MNT: variants seen among roughly 807,000 people sequenced by gnomAD.
MNT encodes MAX network transcriptional repressor, also known as max-binding protein MNT.
A neutral mutation model predicts 40.7 loss-of-function variants in MNT; 13 were observed. That is an observed-to-expected ratio of 0.32 (90% CI 0.21 to 0.51). MNT has a LOEUF of 0.51. Among genes scored for constraint, MNT ranks in the 20% least tolerant of loss-of-function variants. MNT has a pLI of 0.98. For synonymous variants in MNT, 426 were observed against 354.8 expected, an observed-to-expected ratio of 1.20 and a Z score of -2.26; for missense variants, 757 against 792.0, an observed-to-expected ratio of 0.96 and a Z score of 0.53.
In MNT at chr17:2,387,210, T is replaced by C. The variant is rs199768323; in HGVS notation, c.1440A>G (p.Gln480=). Residue 480 remains glutamine (Q), a synonymous_variant, in exon 6 of 6, where the codon CAA becomes CAG. Transcript: ENST00000174618. ...IAPSAPSPAV[Q]LAPATPPIGH... ...CAATGGGGGGTGTGGCAGGCGCCAG[T>C]TGCACCGCAGGGCTGGGGGCCGAGG... is the stretch of plus-strand genomic sequence containing the variant. The C allele has an allele frequency of 3.7e-5, 59 of 1,608,938 alleles. No individual in the cohort carries two copies. The highest frequency in any genetic ancestry group is 2.0e-4 in the African/African-American group (15 of 74,816).
At position 2,384,173 on chromosome 17, in the gene MNT, A is replaced by G. The variant is rs902851246; in HGVS notation, c.*2728T>C. ...GTCTCGGTAACTAAAGTCTTGGAGC[A>G]TGAACAGCCACTAGAATACAGTTCA... On this transcript the variant is annotated 3_prime_UTR_variant, in exon 6 of 6. Coordinates refer to ENST00000174618, the MANE Select transcript of MNT (RefSeq NM_020310.3). 2 of 152,534 alleles carry G rather than the reference A, an allele frequency of 1.3e-5. No individual in the cohort carries two copies. Among genetic ancestry groups the G allele is most frequent in the African/African-American group, 4.8e-5 (2 of 41,398 alleles). 9.4% of individuals were successfully genotyped at this position (152,534 alleles called of 1,614,324 possible).
chr17:2,401,023 G>C lies in MNT; in HGVS notation c.-311C>G, dbSNP rs1250936332. The C allele has an allele frequency of 3.8e-6, 1 of 262,118 alleles. No homozygotes were observed. The highest frequency in any genetic ancestry group is 7.2e-6 in the Non-Finnish European group (1 of 138,342). The allele number at this position is 262,118 out of a possible 1,614,324, so 16.2% of individuals were successfully genotyped here. A position where few individuals can be genotyped will look rare whatever the true frequency, so the allele number is the denominator to read the frequency against. ...CGATGCCTCCCGCCCCGCGGCCCCC[G>C]GGAGTCCCGCCGACAAGAAAGGGCT... is the stretch of plus-strand genomic sequence containing the variant. On this transcript the variant is annotated 5_prime_UTR_variant, in exon 1 of 6. Coordinates refer to ENST00000174618, the MANE Select transcript of MNT (RefSeq NM_020310.3).
chr17:2,387,308 G>A lies in MNT; in HGVS notation c.1342C>T (p.His448Tyr). 1 of 1,613,434 alleles carries A rather than the reference G, an allele frequency of 6.2e-7. No individual in the cohort carries two copies. The highest frequency in any genetic ancestry group is 8.5e-7 in the Non-Finnish European group (1 of 1,179,836). ...STVIAHTATT[H>Y]ASVIQTVNHV... ...TTCACAGTCTGGATGACTGAAGCGT[G>A]AGTGGTGGCTGTGTGGGCGATGACC... The change falls in exon 6 of 6, where the codon CAC (histidine) becomes TAC (tyrosine). Residue 448 changes from histidine (H) to tyrosine (Y), a missense_variant. Physicochemically the swap from His to Tyr is moderately conservative, Grantham distance 83. Transcript: ENST00000174618.
intron 5 of MNT, 67 bp downstream of exon 5, chr17:2,387,790 C>T: frequency 6.5e-7 from 1 of 1,547,646 alleles, no homozygotes; most frequent in Non-Finnish European, 8.7e-7. Context: ...AGAGCCTGGC[C>T]AGGGAGGCTG....
chr17:2,393,175 C>T (rs2066538616), intron 4 of MNT, among the ~76,000 whole-genome samples: 3 of 151,292 alleles, frequency 2.0e-5, no homozygotes, highest in South Asian at 2.1e-4. Context: ...CCCCACGTCC[C>T]TCCATCCCCT....
rs773726119 is a variant in MNT at position 2,385,289 on chromosome 17, G to C, written c.*1612C>G. The C allele has an allele frequency of 6.6e-6, 1 of 152,340 alleles. No individual in the cohort carries two copies. The highest frequency in any genetic ancestry group is 2.4e-5 in the African/African-American group (1 of 41,454). 9.4% of individuals were successfully genotyped at this position (152,340 alleles called of 1,614,324 possible). A position where few individuals can be genotyped will look rare whatever the true frequency, so the allele number is the denominator to read the frequency against. ...TTTGCTGACCTCCTCTGTGCCTGCAGGGCACTCCAGGAAATCCTCAGCTCT... is the reference window on the plus strand; with the variant it reads ...TTTGCTGACCTCCTCTGTGCCTGCACGGCACTCCAGGAAATCCTCAGCTCT... On this transcript the variant is annotated 3_prime_UTR_variant, in exon 6 of 6. Transcript: ENST00000174618.
Position 2,400,952 on chromosome 17 carries a change from A to C in MNT, c.-240T>G. 1 of 381,090 alleles carries C rather than the reference A, an allele frequency of 2.6e-6. No individual in the cohort carries two copies. The highest frequency in any genetic ancestry group is 4.7e-6 in the Non-Finnish European group (1 of 212,356). The allele number at this position is 381,090 out of a possible 1,614,324, so 23.6% of individuals were successfully genotyped here. A position where few individuals can be genotyped will look rare whatever the true frequency, so the allele number is the denominator to read the frequency against. The stretch of plus-strand genomic sequence containing the variant: ...AAAAATGGGATGCAAAAAAAAAAAA[A>C]AGGCGGCACTGCCTCCCTTCTTCCC... On this transcript the variant is annotated 5_prime_UTR_variant, in exon 1 of 6. Transcript: ENST00000174618.
At chr17:2,399,835 A>G (rs2066602581) in intron 1 of MNT, among the ~76,000 whole-genome samples, 2 of 152,188 alleles carry the variant, frequency 1.3e-5, no homozygotes, top group South Asian at 4.1e-4. Flanking sequence ...TGGAACGCGC[A>G]GACACGCCAC....
intron 3 of MNT, 42 bp from the exon 4 acceptor site, chr17:2,394,196 G>A: frequency 2.5e-6 from 4 of 1,603,058 alleles, no homozygotes; most frequent in Non-Finnish European, 3.4e-6. Context: ...GCCTGGGGCG[G>A]GGCTGGGACG....
intron 1 of MNT, among the ~76,000 whole-genome samples, chr17:2,395,700 A>T (rs144923175): frequency 4.4e-4 from 67 of 152,140 alleles, no homozygotes; most frequent in African/African-American, 1.4e-3. Context: ...GCTGACAGTC[A>T]CGGGGGCTGA....
rs1304839319 is a variant in MNT, at chr17:2,397,386, A to AG, written c.74-1933dup. 6.6e-5 allele frequency among the ~76,000 whole-genome samples: 10 copies of AG among 152,150 alleles called. No homozygotes were observed. In the East Asian group the frequency reaches 1.9e-3, roughly 29 times the overall value. On this transcript the variant is annotated intron_variant, in intron 1 of 5. Coordinates refer to ENST00000174618, the MANE Select transcript of MNT (RefSeq NM_020310.3). The stretch of plus-strand genomic sequence containing the variant: ...GGCTCTGGATCCCAGGGCCTAACAC[A>AG]GACCCTGCCTCCATTCCTTTGGCTG...
At chr17:2,399,027 C>G (rs2066596101) in intron 1 of MNT, among the ~76,000 whole-genome samples, 1 of 151,384 alleles carries the variant, frequency 6.6e-6, no homozygotes, top group Non-Finnish European at 1.5e-5. Context: ...CCCCGCCCGC[C>G]GCGGCGGCGG....
At chr17:2,391,800 C>G (rs2066517345) in intron 4 of MNT, 2 of 152,332 alleles carry the variant, frequency 1.3e-5, no homozygotes, top group Non-Finnish European at 2.9e-5. Context: ...GCCTCCTGAC[C>G]ATGTTTGTGT....
chr17:2,395,897 GA>G (rs747358881), intron 1 of MNT, among the ~76,000 whole-genome samples: 4 of 144,402 alleles, frequency 2.8e-5, no homozygotes, highest in Non-Finnish European at 4.4e-5. Context: ...CTTCACACCA[GA>G]GGGGGGGGTG....
rs202069543 is a variant in MNT, at chr17:2,394,366, G to A, written c.654-20C>T. On this transcript the variant is annotated intron_variant, in intron 2 of 5. Coordinates refer to ENST00000174618, the MANE Select transcript of MNT (RefSeq NM_020310.3). ...CCGATCCTGAAACCCAGACAGATAG[G>A]AGGCTCAGGGAGGAGGACTCGATTA... 1.5e-4 allele frequency: 250 copies of A among 1,613,190 alleles called. No homozygotes were observed. The highest frequency in any genetic ancestry group is 2.0e-4 in the Non-Finnish European group (234 of 1,179,772).
intron 1 of MNT, among the ~76,000 whole-genome samples, chr17:2,398,385 G>A (rs906300632): frequency 1.3e-5 from 2 of 152,216 alleles, no homozygotes; most frequent in Non-Finnish European, 2.9e-5. Flanking sequence ...GCTTGCGGTT[G>A]AAAGGGAGAA....
intron 5 of MNT, 41 bp downstream of exon 5, chr17:2,387,802 AATTTGAGGTGTAAC>A: frequency 6.4e-7 from 1 of 1,551,784 alleles, no homozygotes; most frequent in Non-Finnish European, 8.7e-7. Flanking sequence ...GGGAGGCTGG[AATTTGAGGTGTAAC>A]ATCTGAGGGC....
intron 4 of MNT, 105 bp from the exon 5 acceptor site, chr17:2,388,154 T>C (rs2066483821): frequency 1.3e-5 from 15 of 1,149,770 alleles, no homozygotes; most frequent in Admixed American, 2.6e-5. Flanking sequence ...GGCAAGTCCG[T>C]GGCAACCAGC....
intron 1 of MNT, among the ~76,000 whole-genome samples, chr17:2,399,873 G>T (rs1181453065): frequency 6.6e-6 from 1 of 152,222 alleles, no homozygotes; most frequent in Non-Finnish European, 1.5e-5. Context: ...GCGGGGCGCA[G>T]CGAGGGGGGC....
Sources: gnomAD v4.1 joint callset for allele counts (sites outside exome capture counted in the v4.1 genomes callset) on GRCh38, gnomAD v4.1.1 for gene constraint, MANE v1.5 for transcripts, NCBI Gene and HGNC (gene_info 2026-07-23, HGNC 2026-07-21) for gene names.